The following CAMK2B variants were observed in gnomAD, a reference collection of about 807,000 sequenced individuals.
CAMK2B encodes the protein calcium/calmodulin dependent protein kinase II beta.
Under a neutral mutation model 93.7 loss-of-function variants are expected in CAMK2B, and 27 were observed. The observed-to-expected ratio is 0.29, with a 90% CI of 0.21 to 0.40. The LOEUF (loss-of-function observed/expected upper bound fraction) is 0.40, where lower values mean the gene tolerates loss of function less well. Ranked by LOEUF, CAMK2B falls within the 10% of genes least tolerant of loss-of-function variation. CAMK2B has a pLI of 1.00. For synonymous variants in CAMK2B, 374 were observed against 358.8 expected, an observed-to-expected ratio of 1.04 and a Z score of -0.48; for missense variants, 568 against 895.8, an observed-to-expected ratio of 0.63 and a Z score of 4.67.
In CAMK2B at chr7:44,312,302, T is replaced by G. The variant is rs1252132584; in HGVS notation, c.65+13055A>C. Among the ~76,000 whole-genome samples, 1 of 147,866 alleles carries G rather than the reference T, an allele frequency of 6.8e-6. No individual in the cohort carries two copies. Among genetic ancestry groups the G allele is most frequent in the Non-Finnish European group, 1.5e-5 (1 of 66,964 alleles). On this transcript the variant is annotated intron_variant, in intron 1 of 23. Transcript: ENST00000395749. The surrounding 1 kb of genome is among the most constrained non-coding windows in gnomAD (Gnocchi z 4.1). Reference sequence around the variant, plus strand: ...CCAGGTGTCAGTGGCGAGAGGGTGGTGGTGGGAGGGTGGGGCAGAGACCCA... The same window carrying G: ...CCAGGTGTCAGTGGCGAGAGGGTGGGGGTGGGAGGGTGGGGCAGAGACCCA...
intron 5 of CAMK2B, among the ~76,000 whole-genome samples, chr7:44,251,440 C>G (rs903776629): frequency 4.6e-5 from 7 of 152,212 alleles, no homozygotes; most frequent in Admixed American, 1.3e-4. Context: ...CGAGGCTCAC[C>G]CAGAAAGAAA....
intron 1 of CAMK2B, among the ~76,000 whole-genome samples, chr7:44,314,081 T>C (rs1563109398): frequency 6.6e-6 from 1 of 152,172 alleles, no homozygotes; most frequent in African/African-American, 2.4e-5. Flanking sequence ...ATGTGAGAGC[T>C]TTTATTTTCT....
At chr7:44,287,709 C>T (rs778686212) in intron 1 of CAMK2B, among the ~76,000 whole-genome samples, 1 of 152,222 alleles carries the variant, frequency 6.6e-6, no homozygotes, top group East Asian at 1.9e-4. Flanking sequence ...GACAAAGAGC[C>T]TGGATCTGTA....
intron 1 of CAMK2B, among the ~76,000 whole-genome samples, chr7:44,323,319 C>T (rs1285866515): frequency 2.0e-5 from 3 of 152,414 alleles, no homozygotes; most frequent in Admixed American, 6.5e-5. Context: ...CAATGCATGG[C>T]TCCCAGTGCT....
At chr7:44,293,533 C>T (rs539361964) in intron 1 of CAMK2B, among the ~76,000 whole-genome samples, 2 of 152,152 alleles carry the variant, frequency 1.3e-5, no homozygotes, top group African/African-American at 4.8e-5. Flanking sequence ...GCACCAGGGA[C>T]TGGTTTTATG....
chr7:44,236,536 A>G (rs914035435), intron 13 of CAMK2B, among the ~76,000 whole-genome samples: 7 of 152,202 alleles, frequency 4.6e-5, no homozygotes, highest in African/African-American at 1.7e-4. Flanking sequence ...CTGCCCAGTG[A>G]GTTCCCAGGA....
At chr7:44,279,426 G>C (rs1165175816) in intron 2 of CAMK2B, among the ~76,000 whole-genome samples, 2 of 152,204 alleles carry the variant, frequency 1.3e-5, no homozygotes, top group Non-Finnish European at 2.9e-5. Flanking sequence ...GAAAGGGGTC[G>C]GCCTGCCCTC....
chr7:44,251,850 T>C (rs1217727590), intron 5 of CAMK2B, among the ~76,000 whole-genome samples: 1 of 152,174 alleles, frequency 6.6e-6, no homozygotes, highest in Non-Finnish European at 1.5e-5. Context: ...TTCTGGAACC[T>C]GAACAGCCCG....
rs529448720 is a variant in CAMK2B at position 44,308,883 on chromosome 7, T to C, written c.65+16474A>G. Among the ~76,000 whole-genome samples, 16 of 152,114 alleles carry C rather than the reference T, an allele frequency of 1.1e-4. No individual in the cohort carries two copies. In the South Asian group the frequency reaches 3.3e-3, roughly 32 times the overall value. On this transcript the variant is annotated intron_variant, in intron 1 of 23. Coordinates refer to ENST00000395749, the MANE Select transcript of CAMK2B (RefSeq NM_001220.5). Reference sequence around the variant, plus strand: ...GCAGACCATCCCTCCCCGGGGCCTCTGTCCATGGCCAGCCTGCCCTTTACT... The same window carrying C: ...GCAGACCATCCCTCCCCGGGGCCTCCGTCCATGGCCAGCCTGCCCTTTACT...
At chr7:44,262,083 C>T (rs981776755) in intron 3 of CAMK2B, among the ~76,000 whole-genome samples, 3 of 152,214 alleles carry the variant, frequency 2.0e-5, no homozygotes, top group Non-Finnish European at 2.9e-5. Flanking sequence ...TCAGATGAGG[C>T]GAGGTGGTTC....
chr7:44,287,943 T>C (rs1785588242), intron 1 of CAMK2B, among the ~76,000 whole-genome samples: 1 of 152,228 alleles, frequency 6.6e-6, no homozygotes, highest in South Asian at 2.1e-4. Context: ...ACTCTGGACC[T>C]AGGTATCAGG....
At chr7:44,231,096 G>T in intron 16 of CAMK2B, 42 bp from the exon 17 acceptor site, 1 of 1,448,170 alleles carries the variant, frequency 6.9e-7, no homozygotes, top group Non-Finnish European at 9.3e-7. Context: ...TGCGGCCAAG[G>T]ATAGGTGGGA....
rs1293705220 is a variant in CAMK2B, at chr7:44,234,239, G to GTGAGGGA, written c.1131+144_1131+150dup. The GTGAGGGA allele has an allele frequency of 3.4e-5, 23 of 667,422 alleles. No individual in the cohort carries two copies. The African/African-American group carries it at 3.6e-4, about 11-fold the overall frequency. The allele number at this position is 667,422 out of a possible 1,614,324, so 41.3% of individuals were successfully genotyped here. On this transcript the variant is annotated intron_variant, in intron 15 of 23. Transcript: ENST00000395749. ...GCCTCTTCTCTCCACTTCACCACCG[G>GTGAGGGA]TGAGGGATGAGGGGCGGGGGCCATG...
intron 1 of CAMK2B, among the ~76,000 whole-genome samples, chr7:44,308,452 G>A (rs1427020684): frequency 2.6e-5 from 4 of 151,676 alleles, no homozygotes; most frequent in African/African-American, 7.3e-5. Context: ...CCCCCGGCTC[G>A]CATCCCATGT....
chr7:44,221,054 C>G lies in CAMK2B; in HGVS notation c.1598-153G>C, dbSNP rs140610273. On this transcript the variant is annotated intron_variant, in intron 20 of 23. Transcript: ENST00000395749. The stretch of plus-strand genomic sequence containing the variant: ...AGAAGAGGTCCTCTCCGCCGCCCCC[C>G]CTGCATCACCAGTGGCTTCCTCATT... The G allele has an allele frequency of 1.3e-4, 82 of 610,644 alleles. No homozygotes were observed. In the East Asian group the frequency reaches 2.0e-3, roughly 15 times the overall value. The allele number at this position is 610,644 out of a possible 1,614,324, so 37.8% of individuals were successfully genotyped here. A position where few individuals can be genotyped will look rare whatever the true frequency, so the allele number is the denominator to read the frequency against.
intron 3 of CAMK2B, among the ~76,000 whole-genome samples, chr7:44,260,328 T>C (rs753666673): frequency 6.6e-6 from 1 of 152,162 alleles, no homozygotes; most frequent in Non-Finnish European, 1.5e-5. Context: ...AGGAACTCCA[T>C]GTGGCTTCTG....
chr7:44,288,075 C>T (rs746245803), intron 1 of CAMK2B, among the ~76,000 whole-genome samples: 4 of 152,072 alleles, frequency 2.6e-5, no homozygotes, highest in Non-Finnish European at 5.9e-5. Flanking sequence ...AAGAGCGGCC[C>T]CTAGAGTGTC....
chr7:44,265,215 C>T (rs990592344), intron 2 of CAMK2B, among the ~76,000 whole-genome samples: 1 of 152,248 alleles, frequency 6.6e-6, no homozygotes, highest in East Asian at 1.9e-4. Flanking sequence ...TCTTCTGACG[C>T]GTGTGTAACA....
In CAMK2B at chr7:44,312,825, G is replaced by A. The variant is rs761763689; in HGVS notation, c.65+12532C>T. On this transcript the variant is annotated intron_variant, in intron 1 of 23. Coordinates refer to ENST00000395749, the MANE Select transcript of CAMK2B (RefSeq NM_001220.5). This position sits in a 1 kb window ranked among gnomAD's most constrained non-coding sequence, Gnocchi z 4.1. ...AAGAATAAAATGAACCTGGCCTCAG[G>A]CATGCAGAGGAGTTGTGAAAAGCAT... Among the ~76,000 whole-genome samples the A allele has an allele frequency of 2.0e-5, 3 of 152,148 alleles. No individual in the cohort carries two copies. Among genetic ancestry groups the A allele is most frequent in the Non-Finnish European group, 4.4e-5 (3 of 68,028 alleles).
Sources: allele counts gnomAD v4.1 joint callset (sites outside exome capture counted in the v4.1 genomes callset), GRCh38; gene constraint gnomAD v4.1.1; non-coding constraint Gnocchi (gnomAD v3.1); transcripts MANE v1.5; gene names NCBI Gene and HGNC (gene_info 2026-07-23, HGNC 2026-07-21).